The following ACTR3C variants were observed in gnomAD, a reference collection of about 807,000 sequenced individuals.
ACTR3C encodes the protein actin-related protein 3C.
In ACTR3C, 18 loss-of-function variants were observed where a neutral mutation model predicts 26.3. The observed-to-expected ratio is 0.68, with a 90% CI of 0.47 to 1.01. The LOEUF is 1.01. Among genes scored for constraint, ACTR3C ranks in the 50% least tolerant of loss-of-function variants. The probability of loss-of-function intolerance (pLI) is 0.00; values close to 1 mark genes in which losing one functional copy is unlikely to be tolerated. For missense variants in ACTR3C, 184 were observed against 250.7 expected, an observed-to-expected ratio of 0.73 and a Z score of 1.80; for synonymous variants, 55 against 94.5, an observed-to-expected ratio of 0.58 and a Z score of 2.42.
At chr7:150,212,603 C>A in the ACTR3C span, among the ~76,000 whole-genome samples, 1 of 151,176 alleles carries the variant, frequency 6.6e-6, no homozygotes, top group Non-Finnish European at 1.5e-5. Context: ...TTTCTTATTT[C>A]TTCCAGAAAT....
the ACTR3C span, among the ~76,000 whole-genome samples, chr7:150,163,138 A>G: frequency 1.3e-5 from 2 of 151,056 alleles, no homozygotes; most frequent in Admixed American, 1.3e-4. Context: ...TGAGCAACAG[A>G]GTGAGACTCA....
At chr7:150,316,614 C>A (rs1796938297) in intron 1 of ACTR3C, among the ~76,000 whole-genome samples, 1 of 151,486 alleles carries the variant, frequency 6.6e-6, no homozygotes, top group Non-Finnish European at 1.5e-5. Flanking sequence ...GCCTCCTGAG[C>A]AGCTGGGACT....
the ACTR3C span, among the ~76,000 whole-genome samples, chr7:150,042,965 C>G: frequency 6.6e-6 from 1 of 151,136 alleles, no homozygotes; most frequent in East Asian, 1.9e-4. Context: ...ATCCCCATTT[C>G]AAAGTTTCCG....
chr7:150,088,907 A>C, the ACTR3C span, among the ~76,000 whole-genome samples: 7 of 152,160 alleles, frequency 4.6e-5, no homozygotes, highest in Non-Finnish European at 1.0e-4. Context: ...ACATTTGGCA[A>C]TTTTTTAAGA....
At chr7:150,161,373 C>T in the ACTR3C span, among the ~76,000 whole-genome samples, 1 of 151,416 alleles carries the variant, frequency 6.6e-6, no homozygotes, top group South Asian at 2.1e-4. Context: ...CAGTCCCCCA[C>T]CCCACGACAG....
the ACTR3C span, among the ~76,000 whole-genome samples, chr7:150,006,227 T>C: frequency 6.9e-5 from 10 of 145,970 alleles, no homozygotes; most frequent in South Asian, 4.3e-4. Context: ...GAAGGAGTCT[T>C]ACTCTGTCGC....
chr7:150,269,528 C>T (rs569674623), intron 6 of ACTR3C, among the ~76,000 whole-genome samples: 177 of 147,380 alleles, frequency 1.2e-3, no homozygotes, highest in African/African-American at 4.4e-3. Flanking sequence ...GAAGGCAGGA[C>T]GGCGACAAGC....
At chr7:150,040,993 C>G in the ACTR3C span, among the ~76,000 whole-genome samples, 3 of 150,566 alleles carry the variant, frequency 2.0e-5, no homozygotes, top group African/African-American at 7.5e-5. Context: ...GCAACCCTGT[C>G]TAGTTGTTTA....
At chr7:150,071,432 A>G in the ACTR3C span, among the ~76,000 whole-genome samples, 2 of 149,704 alleles carry the variant, frequency 1.3e-5, no homozygotes, top group African/African-American at 4.9e-5. Context: ...CTGACATAAG[A>G]CAATTTCTAA....
the ACTR3C span, among the ~76,000 whole-genome samples, chr7:150,175,783 C>G: frequency 7.1e-6 from 1 of 140,208 alleles, no homozygotes; most frequent in Non-Finnish European, 1.5e-5. Flanking sequence ...CCATTGCACT[C>G]CAGCCTGGGA....
At chr7:150,002,791 T>C in the ACTR3C span, 1 of 152,172 alleles carries the variant, frequency 6.6e-6, no homozygotes, top group African/African-American at 2.4e-5. Context: ...GACTTAGAAA[T>C]TGCTGCAGAA....
the ACTR3C span, among the ~76,000 whole-genome samples, chr7:150,199,073 C>A: frequency 6.7e-6 from 1 of 148,624 alleles, no homozygotes; most frequent in East Asian, 1.9e-4. Context: ...TGAGGAGCCC[C>A]TCTGCCCGGC....
the ACTR3C span, among the ~76,000 whole-genome samples, chr7:150,119,519 A>C: frequency 9.2e-5 from 14 of 152,252 alleles, no homozygotes; most frequent in Non-Finnish European, 1.8e-4. Context: ...AGATCAATGC[A>C]ACAAGAAGAG....
At chr7:150,116,261 A>C in the ACTR3C span, among the ~76,000 whole-genome samples, 1 of 152,208 alleles carries the variant, frequency 6.6e-6, no homozygotes, top group Non-Finnish European at 1.5e-5. Flanking sequence ...TTATGCAATA[A>C]AAATAAGAGA....
chr7:150,239,530 C>CTATA (rs1453473171), downstream of ACTR3C, among the ~76,000 whole-genome samples: 9 of 122,528 alleles, frequency 7.3e-5, no homozygotes, highest in African/African-American at 1.1e-4. Context: ...CTCTCTCTCT[C>CTATA]TCTCTCTCTC....
chr7:150,132,671 T>C, the ACTR3C span, among the ~76,000 whole-genome samples: 1 of 152,234 alleles, frequency 6.6e-6, no homozygotes, highest in Non-Finnish European at 1.5e-5. Context: ...GAGTGTATGA[T>C]AATCCCAGCC....
the ACTR3C span, among the ~76,000 whole-genome samples, chr7:150,144,955 CAGG>C: frequency 6.7e-6 from 1 of 149,868 alleles, no homozygotes. The surrounding 1 kb of genome is among the most constrained non-coding windows in gnomAD (Gnocchi z 4.6). Context: ...ACGGCTGAAG[CAGG>C]AGAATTGCGT....
chr7:150,200,414 A>C, the ACTR3C span, among the ~76,000 whole-genome samples: 2 of 148,742 alleles, frequency 1.3e-5, no homozygotes, highest in Non-Finnish European at 2.9e-5. Flanking sequence ...AACTCTTTTC[A>C]AAATATATTT....
the ACTR3C span, among the ~76,000 whole-genome samples, chr7:149,973,320 C>A: frequency 3.3e-5 from 5 of 152,304 alleles, no homozygotes; most frequent in African/African-American, 1.2e-4. Flanking sequence ...AGAATTAGAT[C>A]TGGGAGAAGC....
Sources: gnomAD v4.1 joint callset for allele counts (sites outside exome capture counted in the v4.1 genomes callset) on GRCh38, gnomAD v4.1.1 for gene constraint, Gnocchi (gnomAD v3.1) non-coding constraint, MANE v1.5 for transcripts, NCBI Gene and HGNC (gene_info 2026-07-23, HGNC 2026-07-21) for gene names.